The following SNX29 variants were observed in gnomAD, a reference collection of about 807,000 sequenced individuals.
SNX29 encodes the protein sorting nexin-29.
Under a neutral mutation model 102.1 loss-of-function variants are expected in SNX29, and 78 were observed. The observed-to-expected ratio is 0.76, with a 90% CI of 0.64 to 0.92. The LOEUF (loss-of-function observed/expected upper bound fraction) is 0.92. SNX29 is among the 40% of genes least tolerant of loss of function. SNX29 has a pLI of 0.00. For synonymous variants in SNX29, 580 were observed against 414.5 expected (o/e 1.40, Z -4.85); for missense variants, 1,280 against 1,061.7 (o/e 1.21, Z -2.86).
chr16:12,471,416 TAG>T lies in SNX29; in HGVS notation c.2038-6299_2038-6298del, dbSNP rs546956821. On this transcript the variant is annotated intron_variant, in intron 18 of 20. Transcript: ENST00000566228. The stretch of plus-strand genomic sequence containing the variant: ...CTAGCACTATCTTCATTTATCCAAA[TAG>T]AGACTCAGGGCTTGAAGAGGTGAAT... Among the ~76,000 whole-genome samples, 6 of 152,334 alleles carry T rather than the reference TAG, an allele frequency of 3.9e-5. No homozygotes were observed. The South Asian group carries it at 1.2e-3, about 32-fold the overall frequency.
chr16:12,506,971 C>G (rs1243658708), intron 19 of SNX29, among the ~76,000 whole-genome samples: 1 of 152,174 alleles, frequency 6.6e-6, no homozygotes, highest in Non-Finnish European at 1.5e-5. Flanking sequence ...AGAGCAAAGA[C>G]CATGTCTTGT....
At chr16:12,137,305 G>A (rs768969708) in intron 13 of SNX29, among the ~76,000 whole-genome samples, 9 of 152,188 alleles carry the variant, frequency 5.9e-5, no homozygotes, top group Non-Finnish European at 1.0e-4. Flanking sequence ...ATGCTGAGGC[G>A]AGGCCAGAAT....
intron 14 of SNX29, among the ~76,000 whole-genome samples, chr16:12,269,535 A>C (rs1255940154): frequency 6.6e-6 from 1 of 152,228 alleles, no homozygotes; most frequent in Non-Finnish European, 1.5e-5. Flanking sequence ...TTCTGATTGA[A>C]CATGGAAGTA....
intron 13 of SNX29, among the ~76,000 whole-genome samples, chr16:12,132,796 C>CAGAT (rs2054516260): frequency 6.6e-6 from 1 of 152,206 alleles, no homozygotes; most frequent in Non-Finnish European, 1.5e-5. Flanking sequence ...GCAGAAGGAA[C>CAGAT]AGATATCTGT....
intron 20 of SNX29, among the ~76,000 whole-genome samples, chr16:12,553,240 G>A (rs1451623295): frequency 1.3e-5 from 2 of 152,178 alleles, no homozygotes; most frequent in Non-Finnish European, 2.9e-5. Flanking sequence ...TGAGAATACA[G>A]AGAGAGATTG....
At chr16:12,218,076 C>T (rs553490353) in intron 14 of SNX29, among the ~76,000 whole-genome samples, 55 of 150,642 alleles carry the variant, frequency 3.7e-4, no homozygotes, top group African/African-American at 1.1e-3. Flanking sequence ...TTATGGAAGG[C>T]TCTATTATTT....
At chr16:12,541,559 C>G (rs1484922315) in intron 20 of SNX29, among the ~76,000 whole-genome samples, 1 of 152,164 alleles carries the variant, frequency 6.6e-6, no homozygotes, top group Non-Finnish European at 1.5e-5. Flanking sequence ...CCTTTTCAAG[C>G]TGCCAAATTG....
intron 13 of SNX29, among the ~76,000 whole-genome samples, chr16:12,155,059 C>G (rs2055481469): frequency 1.3e-5 from 2 of 152,128 alleles, no homozygotes; most frequent in Non-Finnish European, 2.9e-5. Flanking sequence ...GCCTCCCACC[C>G]CCCTTGCCCT....
At chr16:12,165,617 G>C (rs2055984983) in intron 13 of SNX29, among the ~76,000 whole-genome samples, 1 of 152,186 alleles carries the variant, frequency 6.6e-6, no homozygotes, top group African/African-American at 2.4e-5. Flanking sequence ...CTGGAGTGCA[G>C]TGTTGCAATC....
At chr16:12,354,611 T>TG (rs1212033447) in intron 15 of SNX29, among the ~76,000 whole-genome samples, 2 of 152,208 alleles carry the variant, frequency 1.3e-5, no homozygotes, top group African/African-American at 4.8e-5. Context: ...CATTGGCAGG[T>TG]ATTTAGCAGT....
intron 14 of SNX29, among the ~76,000 whole-genome samples, chr16:12,207,448 G>A (rs1001704303): frequency 6.6e-6 from 1 of 152,190 alleles, no homozygotes; most frequent in Non-Finnish European, 1.5e-5. Context: ...TTAACCCAGT[G>A]CCTTTACTGT....
At chr16:12,155,452 T>A (rs4781188) in intron 13 of SNX29, among the ~76,000 whole-genome samples, 53,162 of 151,698 alleles carry the variant, frequency 0.35, 9,527 homozygotes, top group East Asian at 0.47. Flanking sequence ...CATTAACAAG[T>A]GGAGGAGGGG....
At chr16:12,454,930 C>G (rs970559145) in intron 18 of SNX29, among the ~76,000 whole-genome samples, 2 of 152,030 alleles carry the variant, frequency 1.3e-5, no homozygotes, top group African/African-American at 4.8e-5. Flanking sequence ...GTGTTTTTAG[C>G]AGAGATGGGG....
At chr16:12,391,953 C>T (rs1289724838) in intron 16 of SNX29, among the ~76,000 whole-genome samples, 1 of 152,224 alleles carries the variant, frequency 6.6e-6, no homozygotes, top group Non-Finnish European at 1.5e-5. Context: ...TAAAGTTTTA[C>T]AGATAGGAAT....
chr16:12,244,599 C>G (rs1051616008), intron 14 of SNX29, among the ~76,000 whole-genome samples: 16 of 151,680 alleles, frequency 1.1e-4, no homozygotes, highest in Non-Finnish European at 2.2e-4. Context: ...GACAGAGACT[C>G]CATCTCAAAG....
At chr16:12,542,109 C>A (rs925345404) in intron 20 of SNX29, among the ~76,000 whole-genome samples, 1 of 152,026 alleles carries the variant, frequency 6.6e-6, no homozygotes, top group Admixed American at 6.6e-5. Context: ...CCCAACGGAT[C>A]CCTAAATTGA....
intron 14 of SNX29, among the ~76,000 whole-genome samples, chr16:12,235,811 A>ATG (rs1567342031): frequency 4.2e-5 from 6 of 143,642 alleles, no homozygotes; most frequent in African/African-American, 1.6e-4. Flanking sequence ...GTGTGTGTGT[A>ATG]TGTGTATGTG....
chr16:12,204,442 A>G (rs756144132), intron 14 of SNX29, among the ~76,000 whole-genome samples: 4 of 151,690 alleles, frequency 2.6e-5, no homozygotes, highest in Admixed American at 6.6e-5. Flanking sequence ...TTTTCCTCCT[A>G]CCTCCCCTCT....
chr16:12,549,020 A>G (rs2077790833), intron 20 of SNX29, among the ~76,000 whole-genome samples: 1 of 152,222 alleles, frequency 6.6e-6, no homozygotes, highest in African/African-American at 2.4e-5. Flanking sequence ...CAGCATAAAA[A>G]GCTTGTGGAG....
Sources: gnomAD v4.1 joint callset for allele counts (sites outside exome capture counted in the v4.1 genomes callset) on GRCh38, gnomAD v4.1.1 for gene constraint, MANE v1.5 for transcripts, NCBI Gene and HGNC (gene_info 2026-07-23, HGNC 2026-07-21) for gene names.